ATP2C1: variants seen among roughly 807,000 people sequenced by gnomAD.
ATP2C1 encodes the protein ATPase secretory pathway Ca2+ transporting 1.
Under a neutral mutation model 120.5 loss-of-function variants are expected in ATP2C1, and 31 were observed. The observed-to-expected ratio is 0.26, with a 90% CI of 0.19 to 0.35. The LOEUF (loss-of-function observed/expected upper bound fraction) is 0.35. ATP2C1 is among the 10% of genes least tolerant of loss of function. The probability of loss-of-function intolerance (pLI) is 1.00; values close to 1 mark genes in which losing one functional copy is unlikely to be tolerated. For synonymous variants in ATP2C1, 351 were observed against 358.7 expected (o/e 0.98, Z 0.24); for missense variants, 731 against 1,107.5 (o/e 0.66, Z 4.83).
In ATP2C1 at chr3:130,932,073, T is replaced by G; in HGVS notation, c.169T>G (p.Phe57Val). The G allele has an allele frequency of 6.2e-7, 1 of 1,613,146 alleles. No homozygotes were observed. The highest frequency in any genetic ancestry group is 8.5e-7 in the Non-Finnish European group (1 of 1,179,218). ...NKCEVSHRRAFHGWNEFDISE... is the reference protein window; with the variant it reads ...NKCEVSHRRAVHGWNEFDISE... The stretch of plus-strand genomic sequence containing the variant: ...ATGTGAAGTTAGTCATAGGCGAGCC[T>G]TTCATGGCTGGAATGAGTTTGATAT... The change falls in exon 4 of 28, where the codon TTT becomes GTT. Residue 57 changes from phenylalanine (F) to valine (V), a missense_variant. Phe to Val is a conservative substitution (Grantham distance 50). Transcript: ENST00000510168.
rs1394455167 is a variant in ATP2C1, at chr3:130,954,895, GTA to G, written c.688-115_688-114del. The G allele has an allele frequency of 1.1e-5, 8 of 746,108 alleles. 1 individual carries two copies. The Admixed American group carries it at 1.6e-4, about 15-fold the overall frequency. The allele number at this position is 746,108 out of a possible 1,614,324, so 46.2% of individuals were successfully genotyped here. A position where few individuals can be genotyped will look rare whatever the true frequency, so the allele number is the denominator to read the frequency against. On this transcript the variant is annotated intron_variant, in intron 9 of 27. Transcript: ENST00000510168. ...TTTGCTGAGGAAATCTTAGGAGTGT[GTA>G]TGTTAGACATCTTCACTGTAGGTAA...
rs893147033 is a variant in ATP2C1 at position 130,881,060 on chromosome 3, C to T, written c.108+30132C>T. Among the ~76,000 whole-genome samples, 11 of 152,258 alleles carry T rather than the reference C, an allele frequency of 7.2e-5. No homozygotes were observed. In the East Asian group the frequency reaches 7.7e-4, roughly 11 times the overall value. On this transcript the variant is annotated intron_variant, in intron 1 of 26. Coordinates refer to the ATP2C1 transcript ENST00000504381. Reference sequence around the variant, plus strand: ...ATTTTGGAGGTATGAGGAAATGCTACCTTTCCCAAAGCACTCCCACATCCC... The same window carrying T: ...ATTTTGGAGGTATGAGGAAATGCTATCTTTCCCAAAGCACTCCCACATCCC...
At chr3:130,925,504 G>C (rs2059164305) in intron 2 of ATP2C1, among the ~76,000 whole-genome samples, 2 of 152,156 alleles carry the variant, frequency 1.3e-5, no homozygotes. Context: ...GACTCTGTGA[G>C]GGTCCTTGGT....
At chr3:130,952,906 T>C (rs1681322319) in intron 8 of ATP2C1, among the ~76,000 whole-genome samples, 1 of 152,154 alleles carries the variant, frequency 6.6e-6, no homozygotes, top group Non-Finnish European at 1.5e-5. Context: ...AGTTCTGAGG[T>C]AGTGGATGTG....
chr3:131,003,475 C>T (rs561986802), downstream of ATP2C1, among the ~76,000 whole-genome samples: 1 of 152,064 alleles, frequency 6.6e-6, no homozygotes, highest in Non-Finnish European at 1.5e-5. Context: ...TTATTTGGCC[C>T]CATAATGGCT....
At chr3:130,926,087 T>G (rs1159608534) in intron 2 of ATP2C1, among the ~76,000 whole-genome samples, 1 of 152,204 alleles carries the variant, frequency 6.6e-6, no homozygotes, top group Non-Finnish European at 1.5e-5. Flanking sequence ...CTCATAGTTT[T>G]TAGGCCTCCC....
Position 130,888,030 on chromosome 3 carries a change from G to C in ATP2C1, c.108+37102G>C, listed in dbSNP as rs554605064. The stretch of plus-strand genomic sequence containing the variant: ...GCGGCTGATTATTTAGTACCCAAAG[G>C]CTCTTTATTCACAGGTGATGAATCC... On this transcript the variant is annotated intron_variant, in intron 1 of 26. Coordinates refer to the ATP2C1 transcript ENST00000504381. 4.6e-5 allele frequency among the ~76,000 whole-genome samples: 7 copies of C among 152,238 alleles called. No individual in the cohort carries two copies. The South Asian group carries it at 1.5e-3, about 32-fold the overall frequency.
rs1328225631 is a variant in ATP2C1, at chr3:130,967,035, CATT to C, written c.1123-107_1123-105del. On this transcript the variant is annotated intron_variant, in intron 14 of 27. Transcript: ENST00000510168. Reference sequence around the variant, plus strand: ...TCTAGGTGAACACTTTTAACAGTGTCATTATAAATAAAATGAACAGAACTCATT... The same window carrying C: ...TCTAGGTGAACACTTTTAACAGTGTCATAAATAAAATGAACAGAACTCATT... The C allele has an allele frequency of 3.4e-5, 28 of 833,986 alleles. 1 individual carries two copies. In the Admixed American group the frequency reaches 4.7e-4, roughly 14 times the overall value. 51.7% of individuals were successfully genotyped at this position (833,986 alleles called of 1,614,324 possible). A position where few individuals can be genotyped will look rare whatever the true frequency, so the allele number is the denominator to read the frequency against.
rs114371394 is a variant in ATP2C1 at position 130,932,156 on chromosome 3, C to T, written c.234+18C>T. The T allele has an allele frequency of 1.5e-3, 2,088 of 1,394,182 alleles. 31 individuals are homozygous for T. In the African/African-American group the frequency reaches 0.026, roughly 18 times the overall value. The allele number at this position is 1,394,182 out of a possible 1,614,324, so 86.4% of individuals were successfully genotyped here. On this transcript the variant is annotated intron_variant, in intron 4 of 27. Coordinates refer to ENST00000510168, the MANE Select transcript of ATP2C1 (RefSeq NM_001378687.1). ...TTTCTCAGGTGAGATACTTTTACTT[C>T]CTCTTCTACTGTGTAATTTATTAAT...
chr3:130,918,157 TTATC>T, intron 2 of ATP2C1: 1 of 949,136 alleles, frequency 1.1e-6, no homozygotes, highest in Non-Finnish European at 1.7e-6. Context: ...TTTAGAAAGA[TTATC>T]TGTGCCTAGA....
chr3:130,861,208 G>A (rs1490928572), intron 1 of ATP2C1, among the ~76,000 whole-genome samples: 3 of 152,188 alleles, frequency 2.0e-5, no homozygotes, highest in African/African-American at 7.2e-5. Flanking sequence ...GGCAGAGGTT[G>A]CAGTGAGCCG....
At chr3:130,963,879 C>T (rs987747744) in intron 12 of ATP2C1, 92 bp from the exon 13 acceptor site, 8 of 1,499,838 alleles carry the variant, frequency 5.3e-6, no homozygotes, top group African/African-American at 2.8e-5. Context: ...ATTAATTTTG[C>T]GTTTTATTAA....
chr3:130,954,088 AT>A (rs2060479576), intron 9 of ATP2C1, 112 bp downstream of exon 9: 1 of 1,160,788 alleles, frequency 8.6e-7, no homozygotes, highest in Non-Finnish European at 1.3e-6. Flanking sequence ...AAAGGATAAA[AT>A]TGAACTTAAC....
At chr3:130,917,663 T>G (rs2058746143) in intron 2 of ATP2C1, among the ~76,000 whole-genome samples, 1 of 152,218 alleles carries the variant, frequency 6.6e-6, no homozygotes, top group Admixed American at 6.5e-5. Flanking sequence ...TTAAAAATAT[T>G]GTGGTAAAGA....
At chr3:130,893,026 T>C (rs1376191111), upstream of ATP2C1, among the ~76,000 whole-genome samples, 1 of 152,208 alleles carries the variant, frequency 6.6e-6, no homozygotes, top group East Asian at 1.9e-4. Flanking sequence ...AAATTTTCTT[T>C]TGAGTTCTCT....
chr3:131,005,484 C>T (rs145942045), downstream of ATP2C1, among the ~76,000 whole-genome samples: 828 of 152,242 alleles, frequency 5.4e-3, 12 homozygotes, highest in African/African-American at 0.019. Flanking sequence ...GGAAAAGATA[C>T]TAGTCTGTGG....
chr3:130,940,729 A>G, intron 7 of ATP2C1, 38 bp downstream of exon 7: 1 of 1,509,558 alleles, frequency 6.6e-7, no homozygotes, highest in Non-Finnish European at 9.2e-7. Context: ...CTGCCCCTTT[A>G]AAAATAGAAG....
exon 27 of ATP2C1, chr3:131,016,340 CTAAA>C (rs757470796): frequency 2.5e-6 from 4 of 1,614,146 alleles, no homozygotes; most frequent in Middle Eastern, 1.6e-4. Flanking sequence ...TCTTCCTTAC[CTAAA>C]TAAAGAAACA....
intron 1 of ATP2C1, among the ~76,000 whole-genome samples, chr3:130,871,229 G>A (rs1013526065): frequency 1.3e-5 from 2 of 152,180 alleles, no homozygotes; most frequent in African/African-American, 4.8e-5. Flanking sequence ...GCTTTATTGT[G>A]GTGGTCTCAA....
Sources: allele counts gnomAD v4.1 joint callset (sites outside exome capture counted in the v4.1 genomes callset), GRCh38; gene constraint gnomAD v4.1.1; transcripts MANE v1.5; gene names NCBI Gene and HGNC (gene_info 2026-07-23, HGNC 2026-07-21).